Variants in DNAH5 observed in about 807,000 individuals in gnomAD.
The protein encoded by DNAH5 is dynein axonemal heavy chain 5, also known as axonemal beta dynein heavy chain 5.
In DNAH5, 372 loss-of-function variants were observed where a neutral mutation model predicts 518.2. The observed-to-expected ratio is 0.72, with a 90% confidence interval of 0.66 to 0.78. DNAH5 has a LOEUF of 0.78. Ranked by LOEUF, DNAH5 falls within the 30% of genes least tolerant of loss-of-function variation. The probability of loss-of-function intolerance (pLI) is 0.00; values close to 1 mark genes in which losing one functional copy is unlikely to be tolerated. For synonymous variants in DNAH5, 2,039 were observed against 2,025.9 expected (o/e 1.01, Z -0.17); for missense variants, 5,523 against 5,687.0 (o/e 0.97, Z 0.93).
At chr5:13,776,995 A>G (rs113822104) in intron 54 of DNAH5, among the ~76,000 whole-genome samples, 195 of 152,264 alleles carry the variant, frequency 1.3e-3, no homozygotes, top group African/African-American at 4.2e-3. Context: ...TGGAACATTC[A>G]CTGATGTTTT....
chr5:13,854,025 C>T (rs778028457), intron 30 of DNAH5, among the ~76,000 whole-genome samples: 4 of 152,084 alleles, frequency 2.6e-5, no homozygotes, highest in Non-Finnish European at 5.9e-5. Context: ...ACAGAGAACA[C>T]CATGAAGATT....
chr5:13,966,146 G>T (rs920381821), intron 1 of DNAH5, among the ~76,000 whole-genome samples: 2 of 152,152 alleles, frequency 1.3e-5, no homozygotes, highest in Non-Finnish European at 2.9e-5. Flanking sequence ...TTCCATCCAA[G>T]GTTGCTGCAA....
intron 1 of DNAH5, among the ~76,000 whole-genome samples, chr5:13,988,249 C>A (rs1019659848): frequency 6.6e-6 from 1 of 152,070 alleles, no homozygotes; most frequent in Non-Finnish European, 1.5e-5. Flanking sequence ...GTTTAAGTTG[C>A]CCATCACTAT....
At chr5:13,812,594 C>T (rs1438453310) in intron 43 of DNAH5, among the ~76,000 whole-genome samples, 1 of 152,210 alleles carries the variant, frequency 6.6e-6, no homozygotes, top group Non-Finnish European at 1.5e-5. Flanking sequence ...GCATGAGCCA[C>T]TGTGCCTGGC....
intron 1 of DNAH5, among the ~76,000 whole-genome samples, chr5:13,954,614 C>G (rs1347224236): frequency 6.6e-6 from 1 of 152,192 alleles, no homozygotes; most frequent in Non-Finnish European, 1.5e-5. Flanking sequence ...CGAAAGTGAG[C>G]GAGAGCAGGC....
rs1177610939 is a variant in DNAH5 at position 13,842,441 on chromosome 5, A to AAGAGAGAGAGAGAGAGAGAGAGAGAG, written c.5272-538_5272-537insCTCTCTCTCTCTCTCTCTCTCTCTCT. On this transcript the variant is annotated intron_variant, in intron 32 of 78. Coordinates refer to ENST00000265104, the MANE Select transcript of DNAH5 (RefSeq NM_001369.3). ...AGAAAAGAAAAGAAAGAAAGAAAGAAAGAAAGAAAGAAAGAAAGAAAGAAA... is the reference window on the plus strand; with the variant it reads ...AGAAAAGAAAAGAAAGAAAGAAAGAAAGAGAGAGAGAGAGAGAGAGAGAGAGAGAAAGAAAGAAAGAAAGAAAGAAA... Among the ~76,000 whole-genome samples, 51 of 102,148 alleles carry AAGAGAGAGAGAGAGAGAGAGAGAGAG rather than the reference A, an allele frequency of 5.0e-4. 3 individuals are homozygous for AAGAGAGAGAGAGAGAGAGAGAGAGAG. The highest frequency in any genetic ancestry group is 2.1e-3 in the African/African-American group (49 of 23,282). 67.0% of individuals were successfully genotyped at this position (102,148 alleles called of 152,430 possible).
chr5:13,918,758 A>G (rs914196507), intron 7 of DNAH5, among the ~76,000 whole-genome samples: 1 of 152,172 alleles, frequency 6.6e-6, no homozygotes, highest in South Asian at 2.1e-4. Flanking sequence ...GTGAGCCACC[A>G]CGCCTGGCCT....
intron 22 of DNAH5, among the ~76,000 whole-genome samples, chr5:13,875,624 GA>G (rs1770783496): frequency 6.6e-6 from 1 of 151,898 alleles, no homozygotes; most frequent in South Asian, 2.1e-4. Flanking sequence ...TATTTTCTAG[GA>G]ATACTGAGAC....
chr5:13,793,549 C>A lies in DNAH5; in HGVS notation c.8190G>T (p.Thr2730=). 6.2e-7 allele frequency: 1 copy of A among 1,613,980 alleles called. No individual in the cohort carries two copies. Among genetic ancestry groups the A allele is most frequent in the Non-Finnish European group, 8.5e-7 (1 of 1,179,954 alleles). Residue 2730 remains threonine (T), a synonymous_variant, in exon 49 of 79, where the codon ACG becomes ACT. Coordinates refer to ENST00000265104, the MANE Select transcript of DNAH5 (RefSeq NM_001369.3). ...LKRQFSIFNC[T]LPSEASVDKI... ...TGTCCACAGAAGCTTCAGAGGGCAACGTGCAATTAAATATAGAGAACTGCC... is the reference window on the plus strand; with the variant it reads ...TGTCCACAGAAGCTTCAGAGGGCAAAGTGCAATTAAATATAGAGAACTGCC...
intron 1 of DNAH5, among the ~76,000 whole-genome samples, chr5:13,958,569 G>A (rs1780937376): frequency 6.6e-6 from 1 of 152,134 alleles, no homozygotes; most frequent in South Asian, 2.1e-4. Context: ...CTTACATAGA[G>A]TAGAATTAAA....
chr5:14,003,535 T>C (rs1010073746), intron 1 of DNAH5, among the ~76,000 whole-genome samples: 7 of 152,210 alleles, frequency 4.6e-5, no homozygotes, highest in African/African-American at 1.4e-4. Context: ...ACTCCATTCA[T>C]GACTTCTGAG....
At chr5:13,971,653 A>G (rs1781880392) in intron 1 of DNAH5, among the ~76,000 whole-genome samples, 1 of 152,126 alleles carries the variant, frequency 6.6e-6, no homozygotes. Context: ...AGCTGTGGAT[A>G]CCAGCACCTG....
chr5:13,947,855 A>C (rs1780050795), upstream of DNAH5, among the ~76,000 whole-genome samples: 1 of 152,248 alleles, frequency 6.6e-6, no homozygotes, highest in East Asian at 1.9e-4. Flanking sequence ...AGAGAGTTCC[A>C]TATTTCACCC....
At chr5:13,944,872 G>A (rs144588277), upstream of DNAH5, among the ~76,000 whole-genome samples, 210 of 152,298 alleles carry the variant, frequency 1.4e-3, 2 homozygotes, top group African/African-American at 4.6e-3. Flanking sequence ...TTTGAACAAT[G>A]AGAAACTTTA....
rs1282439861 is a variant in DNAH5, at chr5:13,792,020, T to C, written c.8422A>G (p.Thr2808Ala). The change falls in exon 50 of 79, where the codon ACT (threonine) becomes GCT (alanine). Residue 2808 changes from threonine to alanine, a missense_variant. Transcript: ENST00000265104. ...TTTGGTTCCTTGATGACCTCTGAAG[T>C]AGTGTTCAGCATTCCCTGCCAGACC... ...SRVWQGMLNT[T>A]SEVIKEPNDL... 2.5e-6 allele frequency: 4 copies of C among 1,614,034 alleles called. No homozygotes were observed. The highest frequency in any genetic ancestry group is 4.5e-5 in the East Asian group (2 of 44,884).
intron 41 of DNAH5, among the ~76,000 whole-genome samples, chr5:13,819,068 A>G (rs1761876674): frequency 6.6e-6 from 1 of 152,238 alleles, no homozygotes; most frequent in South Asian, 2.1e-4. Context: ...TAATGTATCT[A>G]TATTGTTTAA....
At chr5:13,810,728 T>A (rs1259035585) in intron 44 of DNAH5, among the ~76,000 whole-genome samples, 1 of 149,906 alleles carries the variant, frequency 6.7e-6, no homozygotes, top group Non-Finnish European at 1.5e-5. Flanking sequence ...CACTCCAGCC[T>A]GGGCGACAGT....
chr5:13,926,111 G>A (rs1370048850), intron 3 of DNAH5, among the ~76,000 whole-genome samples: 1 of 152,188 alleles, frequency 6.6e-6, no homozygotes, highest in Non-Finnish European at 1.5e-5. Context: ...CACCACCATG[G>A]AGGGCAGGGA....
intron 1 of DNAH5, among the ~76,000 whole-genome samples, chr5:13,971,864 G>A (rs900365323): frequency 6.6e-6 from 1 of 152,088 alleles, no homozygotes; most frequent in Admixed American, 6.5e-5. Context: ...TCAGGTGGTG[G>A]GCAGGGCCAT....
Sources: gnomAD v4.1 joint callset for allele counts (sites outside exome capture counted in the v4.1 genomes callset) on GRCh38, gnomAD v4.1.1 for gene constraint, MANE v1.5 for transcripts, NCBI Gene and HGNC (gene_info 2026-07-23, HGNC 2026-07-21) for gene names.